The following ADAMTSL1 variants were observed in gnomAD, a reference collection of about 807,000 sequenced individuals.
The protein encoded by ADAMTSL1 is ADAMTS-like protein 1.
ADAMTSL1 carries 126 observed loss-of-function variants against 201.8 expected under a neutral mutation model. That is an observed-to-expected ratio of 0.62 (90% confidence interval 0.54 to 0.72). The LOEUF is 0.72. Among genes scored for constraint, ADAMTSL1 ranks in the 30% least tolerant of loss-of-function variants. The probability of loss-of-function intolerance (pLI) is 0.00; values close to 1 mark genes in which losing one functional copy is unlikely to be tolerated. For missense variants in ADAMTSL1, 2,679 were observed against 2,277.8 expected (o/e 1.18, Z -3.59); for synonymous variants, 1,121 against 903.4 (o/e 1.24, Z -4.32).
intron 1 of ADAMTSL1, among the ~76,000 whole-genome samples, chr9:18,160,295 T>C (rs563127855): frequency 6.6e-6 from 1 of 152,154 alleles, no homozygotes; most frequent in African/African-American, 2.4e-5. Flanking sequence ...GAACTATCCT[T>C]AGGAGTCTGG....
In ADAMTSL1 at chr9:18,456,425, C is replaced by G. The variant is rs528383668; in HGVS notation, c.208-48404C>G. Among the ~76,000 whole-genome samples the G allele has an allele frequency of 3.3e-5, 5 of 152,194 alleles. No individual in the cohort carries two copies. The South Asian group carries it at 6.2e-4, about 19-fold the overall frequency. Reference sequence around the variant, plus strand: ...TGATTGCTTGGTCCACTAGATTTTCCTTTTGGAATATATAAAATCTCTTAC... The same window carrying G: ...TGATTGCTTGGTCCACTAGATTTTCGTTTTGGAATATATAAAATCTCTTAC... On this transcript the variant is annotated intron_variant, in intron 2 of 29. Transcript: ENST00000680146.
chr9:18,068,583 G>T (rs492055), intron 1 of ADAMTSL1, among the ~76,000 whole-genome samples: 1 of 152,082 alleles, frequency 6.6e-6, no homozygotes, highest in Non-Finnish European at 1.5e-5. Flanking sequence ...ACAAGGAAAG[G>T]CTTCAACCCA....
chr9:17,947,080 C>A (rs1454728121), intron 1 of ADAMTSL1, among the ~76,000 whole-genome samples: 1 of 151,728 alleles, frequency 6.6e-6, no homozygotes, highest in Non-Finnish European at 1.5e-5. Context: ...TCAGCTTTGC[C>A]ACCAAAATGT....
chr9:18,585,125 G>C (rs1484529645), intron 4 of ADAMTSL1, among the ~76,000 whole-genome samples: 2 of 151,964 alleles, frequency 1.3e-5, no homozygotes, highest in East Asian at 1.9e-4. Flanking sequence ...TTTTATTTTT[G>C]TCACCGTAGC....
intron 15 of ADAMTSL1, among the ~76,000 whole-genome samples, chr9:18,733,921 A>G (rs1818365932): frequency 6.6e-6 from 1 of 151,230 alleles, no homozygotes; most frequent in African/African-American, 2.4e-5. Context: ...CATTCATTCA[A>G]CTCAACTCAG....
At chr9:17,980,615 G>C (rs1307285195) in intron 1 of ADAMTSL1, among the ~76,000 whole-genome samples, 1 of 151,988 alleles carries the variant, frequency 6.6e-6, no homozygotes, top group East Asian at 1.9e-4. Context: ...TGGGAGGTGG[G>C]GTTTTTGGGG....
intron 1 of ADAMTSL1, among the ~76,000 whole-genome samples, chr9:18,047,576 C>G (rs1171095251): frequency 6.6e-6 from 1 of 151,898 alleles, no homozygotes; most frequent in African/African-American, 2.4e-5. Context: ...ACTTAGACCT[C>G]TAAAGAGGGG....
At chr9:18,639,147 A>G in intron 6 of ADAMTSL1, 107 bp from the exon 7 acceptor site, 1 of 1,066,076 alleles carries the variant, frequency 9.4e-7, no homozygotes, top group Non-Finnish European at 1.4e-6. Flanking sequence ...TATATAAAGA[A>G]TGATGTGTCT....
At chr9:18,447,629 AGT>A (rs1820242266) in intron 2 of ADAMTSL1, among the ~76,000 whole-genome samples, 1 of 152,208 alleles carries the variant, frequency 6.6e-6, no homozygotes, top group African/African-American at 2.4e-5. Flanking sequence ...CGCAATTATA[AGT>A]GTGTGTTTGG....
intron 1 of ADAMTSL1, among the ~76,000 whole-genome samples, chr9:18,092,351 TA>T (rs770365232): frequency 3.3e-5 from 5 of 152,170 alleles, no homozygotes; most frequent in Non-Finnish European, 4.4e-5. Context: ...GTGACATTTT[TA>T]TTGGGTCATA....
chr9:18,144,972 C>T (rs1826569021), intron 1 of ADAMTSL1, among the ~76,000 whole-genome samples: 1 of 152,140 alleles, frequency 6.6e-6, no homozygotes. Flanking sequence ...CATAAAGATG[C>T]AAATGCATAG....
intron 1 of ADAMTSL1, among the ~76,000 whole-genome samples, chr9:18,030,309 A>G (rs954395007): frequency 6.6e-6 from 1 of 152,162 alleles, no homozygotes; most frequent in Non-Finnish European, 1.5e-5. Context: ...AAAAAACCAA[A>G]CACCACATGT....
intron 7 of ADAMTSL1, among the ~76,000 whole-genome samples, chr9:18,648,748 G>A (rs1181240104): frequency 3.3e-5 from 5 of 151,920 alleles, no homozygotes; most frequent in South Asian, 4.2e-4. Context: ...AGTTTCTGCC[G>A]AGAGATCCGC....
At chr9:18,449,687 GA>G (rs1331295010) in intron 2 of ADAMTSL1, among the ~76,000 whole-genome samples, 1 of 151,992 alleles carries the variant, frequency 6.6e-6, no homozygotes, top group Admixed American at 6.6e-5. Context: ...TCAGTAATAG[GA>G]AAATAACCCA....
intron 4 of ADAMTSL1, among the ~76,000 whole-genome samples, chr9:18,590,853 T>C (rs530015747): frequency 3.3e-5 from 5 of 152,198 alleles, no homozygotes; most frequent in Non-Finnish European, 7.4e-5. Flanking sequence ...TTTTGAAAGT[T>C]ATTGATTTCT....
intron 23 of ADAMTSL1, among the ~76,000 whole-genome samples, chr9:18,849,073 A>G (rs116682481): frequency 2.0e-5 from 3 of 152,326 alleles, no homozygotes; most frequent in African/African-American, 4.8e-5. Flanking sequence ...TATGTCACCA[A>G]TGTGATACTT....
chr9:18,353,145 CA>C (rs930528680), intron 2 of ADAMTSL1, among the ~76,000 whole-genome samples: 2 of 152,196 alleles, frequency 1.3e-5, no homozygotes, highest in Non-Finnish European at 2.9e-5. Context: ...TATCAGGGCA[CA>C]AGGGAGGCCC....
At chr9:18,172,128 G>A (rs903484995) in intron 2 of ADAMTSL1, among the ~76,000 whole-genome samples, 1 of 151,312 alleles carries the variant, frequency 6.6e-6, no homozygotes, top group Non-Finnish European at 1.5e-5. Flanking sequence ...GGGCTTGTCA[G>A]GGGGTGGGGG....
chr9:18,737,319 C>CAAAAAAA (rs59511409), intron 15 of ADAMTSL1, among the ~76,000 whole-genome samples: 724 of 53,464 alleles, frequency 0.014, 61 homozygotes, highest in African/African-American at 0.019. Flanking sequence ...AACTCTGTCT[C>CAAAAAAA]AAAAAAAAAA....
Sources: allele counts gnomAD v4.1 joint callset (sites outside exome capture counted in the v4.1 genomes callset), GRCh38; gene constraint gnomAD v4.1.1; transcripts MANE v1.5; gene names NCBI Gene and HGNC (gene_info 2026-07-23, HGNC 2026-07-21).